TBCD: variants seen among roughly 807,000 people sequenced by gnomAD.
TBCD encodes the protein tubulin-specific chaperone D.
A neutral mutation model predicts 169.3 loss-of-function variants in TBCD; 105 were observed. The ratio of observed to expected loss-of-function variants is 0.62; its 90% CI spans 0.53 to 0.73. The LOEUF is 0.73. Among genes scored for constraint, TBCD ranks in the 30% least tolerant of loss-of-function variants. The probability of loss-of-function intolerance (pLI) is 0.00; values close to 1 mark genes in which losing one functional copy is unlikely to be tolerated. For missense variants in TBCD, 1,444 were observed against 1,600.1 expected (o/e 0.90, Z 1.66); for synonymous variants, 700 against 643.9 (o/e 1.09, Z -1.32).
intron 13 of TBCD, among the ~76,000 whole-genome samples, chr17:82,858,949 G>T (rs1489719450): frequency 6.6e-6 from 1 of 152,236 alleles, no homozygotes. Context: ...CGCCTCTGTG[G>T]GGCTGGGGGT....
At chr17:82,781,835 T>C in intron 7 of TBCD, 114 bp downstream of exon 7, 2 of 1,498,340 alleles carry the variant, frequency 1.3e-6, no homozygotes, top group Non-Finnish European at 1.8e-6. Context: ...CCCCGTGGGA[T>C]TGATTTAACC....
chr17:82,830,004 TTTG>T, intron 13 of TBCD: 1 of 1,349,724 alleles, frequency 7.4e-7, no homozygotes, highest in Admixed American at 2.2e-5. Flanking sequence ...TTTTTGTTTG[TTTG>T]TTTGTTTGTT....
chr17:82,850,532 G>A (rs1412251177), intron 13 of TBCD, among the ~76,000 whole-genome samples: 1 of 95,750 alleles, frequency 1.0e-5, no homozygotes, highest in Non-Finnish European at 2.5e-5. Flanking sequence ...TGGCTGTGCT[G>A]TTGTTAGCTG....
chr17:82,852,073 T>G (rs1356655608), intron 13 of TBCD, among the ~76,000 whole-genome samples: 2 of 152,170 alleles, frequency 1.3e-5, no homozygotes, highest in Non-Finnish European at 2.9e-5. Context: ...TGCAGAGTTT[T>G]GCAGCCATCG....
At chr17:82,876,524 T>C (rs2057988927) in intron 14 of TBCD, among the ~76,000 whole-genome samples, 1 of 152,226 alleles carries the variant, frequency 6.6e-6, no homozygotes, top group South Asian at 2.1e-4. Flanking sequence ...TATATTTAAC[T>C]AGCATCATTA....
chr17:82,831,255 C>T lies in TBCD; in HGVS notation c.1318+16321C>T. On this transcript the variant is annotated intron_variant, in intron 13 of 38. Transcript: ENST00000355528. This position sits in a 1 kb window ranked among gnomAD's most constrained non-coding sequence, Gnocchi z 4.6. Reference sequence around the variant, plus strand: ...TGGCTGCACTCCCTGCGCGGGGGCTCATTTTGGACCCTTCCGTGTCTCTCT... The same window carrying T: ...TGGCTGCACTCCCTGCGCGGGGGCTTATTTTGGACCCTTCCGTGTCTCTCT... The T allele has an allele frequency of 1.2e-6, 2 of 1,613,896 alleles. No individual in the cohort carries two copies. The highest frequency in any genetic ancestry group is 1.7e-6 in the Non-Finnish European group (2 of 1,180,040).
At chr17:82,932,620 G>A (rs778798529) in intron 33 of TBCD, 38 bp from the exon 34 acceptor site, 2 of 1,588,686 alleles carry the variant, frequency 1.3e-6, no homozygotes, top group Admixed American at 3.4e-5. Flanking sequence ...CGTCCTTGTT[G>A]CTGGTGTCCA....
Position 82,800,765 on chromosome 17 carries a change from A to G in TBCD, c.818-99A>G, listed in dbSNP as rs547065843. ...GGTCTTGGTGATGTCTCCTGCCTCA[A>G]GGCCCCTGTGGAGCCGGCTGTTGGT... On this transcript the variant is annotated intron_variant, in intron 8 of 38. Transcript: ENST00000355528. 166 of 1,445,706 alleles carry G rather than the reference A, an allele frequency of 1.1e-4. 1 individual carries two copies. Among genetic ancestry groups the G allele is most frequent in the Admixed American group, 3.8e-4 (17 of 44,588 alleles). 89.6% of individuals were successfully genotyped at this position (1,445,706 alleles called of 1,614,324 possible). A position where few individuals can be genotyped will look rare whatever the true frequency, so the allele number is the denominator to read the frequency against.
chr17:82,807,876 G>A (rs2051094633), intron 11 of TBCD, among the ~76,000 whole-genome samples: 2 of 152,360 alleles, frequency 1.3e-5, no homozygotes, highest in African/African-American at 4.8e-5. Context: ...CCTCTGGCTG[G>A]CCCTGCCGGG....
intron 28 of TBCD, chr17:82,926,887 C>T (rs1299034545): frequency 1.9e-6 from 1 of 514,500 alleles, no homozygotes; most frequent in East Asian, 3.5e-5. Flanking sequence ...GCCACGCACG[C>T]CCCCTTCTCT....
chr17:82,825,433 C>A (rs1430765936), intron 13 of TBCD, among the ~76,000 whole-genome samples: 1 of 152,106 alleles, frequency 6.6e-6, no homozygotes, highest in Non-Finnish European at 1.5e-5. Flanking sequence ...TTGTTCTTTG[C>A]CAAAACATAC....
At chr17:82,840,853 G>GT (rs2054422217) in intron 13 of TBCD, among the ~76,000 whole-genome samples, 1 of 152,118 alleles carries the variant, frequency 6.6e-6, no homozygotes, top group South Asian at 2.1e-4. Context: ...GGGAAAGGAG[G>GT]TGGGATGAGC....
chr17:82,759,176 A>G (rs904034855), intron 2 of TBCD, among the ~76,000 whole-genome samples: 1 of 151,972 alleles, frequency 6.6e-6, no homozygotes, highest in East Asian at 1.9e-4. Context: ...TGCCATGCCT[A>G]GTTAATTAAA....
At position 82,884,155 on chromosome 17, in the gene TBCD, A is replaced by G; in HGVS notation, c.1486A>G (p.Ile496Val). Reference protein sequence around the residue: ...FVTAISSALVIAAVFDRDINC... With the variant: ...FVTAISSALVVAAVFDRDINC... ...TTCTCTTTTTCACAGTGCACTGGTG[A>G]TTGCTGCGGTGTTTGACCGAGACAT... The change falls in exon 15 of 39, where the codon ATT becomes GTT. Residue 496 changes from isoleucine to valine, a missense_variant. By Grantham distance (29) the Ile-to-Val change is conservative. Coordinates refer to ENST00000355528, the MANE Select transcript of TBCD (RefSeq NM_005993.5). The surrounding 1 kb of genome is among the most constrained non-coding windows in gnomAD (Gnocchi z 4.2). 1 of 1,610,098 alleles carries G rather than the reference A, an allele frequency of 6.2e-7. No homozygotes were observed.
rs663033 is a variant in TBCD at position 82,788,644 on chromosome 17, C to T, written c.771+6923C>T. ...AGCCTCACTCCCAGCTCCCGCTCGG[C>T]CCTTGTGAAGAGAGGTGCTGAAGCC... On this transcript the variant is annotated intron_variant, in intron 7 of 38. Transcript: ENST00000355528. 5.8e-3 allele frequency among the ~76,000 whole-genome samples: 891 copies of T among 152,312 alleles called. 8 individuals are homozygous for T. The highest frequency in any genetic ancestry group is 0.02 in the African/African-American group (847 of 41,562).
chr17:82,863,076 A>C (rs542265995), intron 13 of TBCD, among the ~76,000 whole-genome samples: 23 of 152,142 alleles, frequency 1.5e-4, no homozygotes, highest in Non-Finnish European at 2.9e-4. Context: ...CAAAAAGTGA[A>C]GATATGAGGA....
intron 13 of TBCD, among the ~76,000 whole-genome samples, chr17:82,825,272 C>T (rs1029780975): frequency 4.6e-5 from 7 of 152,058 alleles, no homozygotes; most frequent in African/African-American, 9.7e-5. Context: ...CCCTTGACAA[C>T]GGAGGGCTGT....
At chr17:82,907,957 C>A in intron 21 of TBCD, 136 bp downstream of exon 21, 1 of 885,940 alleles carries the variant, frequency 1.1e-6, no homozygotes, top group Non-Finnish European at 1.7e-6. Flanking sequence ...CAGTGGGGGA[C>A]CTGCGGTGTG....
intron 13 of TBCD, among the ~76,000 whole-genome samples, chr17:82,816,990 T>G (rs1296489017): frequency 6.6e-6 from 1 of 152,228 alleles, no homozygotes; most frequent in Non-Finnish European, 1.5e-5. Context: ...TGGAGAAATG[T>G]CTTTTCAAGT....
Sources: gnomAD v4.1 joint callset for allele counts (sites outside exome capture counted in the v4.1 genomes callset) on GRCh38, gnomAD v4.1.1 for gene constraint, Gnocchi (gnomAD v3.1) non-coding constraint, MANE v1.5 for transcripts, NCBI Gene and HGNC (gene_info 2026-07-23, HGNC 2026-07-21) for gene names.